The following COL5A1 variants were observed in gnomAD, a reference collection of about 807,000 sequenced individuals.
COL5A1 encodes the protein collagen alpha-1(V) chain.
COL5A1 carries 16 observed loss-of-function variants against 263.7 expected under a neutral mutation model. The ratio of observed to expected loss-of-function variants is 0.06; its 90% confidence interval spans 0.04 to 0.09. The LOEUF is 0.09. COL5A1 is among the 10% of genes least tolerant of loss of function. COL5A1 has a pLI of 1.00. For missense variants in COL5A1, 2,036 were observed against 2,540.5 expected (o/e 0.80, Z 4.27); for synonymous variants, 1,012 against 1,004.5 (o/e 1.01, Z -0.14).
At position 134,694,843 on chromosome 9, in the gene COL5A1, C is replaced by T. The variant is rs139602549; in HGVS notation, c.277+3764C>T. On this transcript the variant is annotated intron_variant, in intron 2 of 65. Transcript: ENST00000371817. ...TGTCTGCAGTGCAGACATCGCCTCA[C>T]GGTGAGGTGGCCTGAGACCCTGAAG... Among the ~76,000 whole-genome samples the T allele has an allele frequency of 3.7e-3, 561 of 152,280 alleles. 14 individuals carry two copies. The highest frequency in any genetic ancestry group is 0.034 in the Admixed American group (523 of 15,300).
Position 134,830,008 on chromosome 9 carries a change from G to A in COL5A1, c.5100G>A (p.Pro1700=), listed in dbSNP as rs371875408. 79 of 1,613,830 alleles carry A rather than the reference G, an allele frequency of 4.9e-5. No individual in the cohort carries two copies. The highest frequency in any genetic ancestry group is 3.7e-4 in the South Asian group (34 of 91,034). ...ARITSWPKEN[P]GSWFSEFKRG... ...TCACTTCTTGGCCCAAAGAAAACCC[G>A]GGCTCCTGGTTCAGTGAATTCAAGC... Residue 1700 remains proline (P), a synonymous_variant, in exon 64 of 66, where the codon CCG becomes CCA. Coordinates refer to ENST00000371817, the MANE Select transcript of COL5A1 (RefSeq NM_000093.5).
rs1203702062 is a variant in COL5A1 at position 134,841,502 on chromosome 9, G to C, written c.5371-655G>C. Among the ~76,000 whole-genome samples, 1 of 152,120 alleles carries C rather than the reference G, an allele frequency of 6.6e-6. No individual in the cohort carries two copies. Among genetic ancestry groups the C allele is most frequent in the Non-Finnish European group, 1.5e-5 (1 of 68,016 alleles). Reference sequence around the variant, plus strand: ...GGATGGGTGCTGACTCATCCTGCAGGCCAGGTTCATTGCACTACCCCTGCC... The same window carrying C: ...GGATGGGTGCTGACTCATCCTGCAGCCCAGGTTCATTGCACTACCCCTGCC... On this transcript the variant is annotated intron_variant, in intron 65 of 65. Transcript: ENST00000371817. The surrounding 1 kb of genome is among the most constrained non-coding windows in gnomAD (Gnocchi z 4.8).
At chr9:134,717,325 G>A (rs981114367) in intron 4 of COL5A1, among the ~76,000 whole-genome samples, 19 of 152,222 alleles carry the variant, frequency 1.2e-4, no homozygotes, top group African/African-American at 4.3e-4. Context: ...GAACGCAGTC[G>A]TGTTCTTAGC....
At chr9:134,808,539 G>A (rs1007942749) in intron 42 of COL5A1, among the ~76,000 whole-genome samples, 2 of 152,188 alleles carry the variant, frequency 1.3e-5, no homozygotes, top group Non-Finnish European at 2.9e-5. Context: ...ATATGTCCTT[G>A]TGTGTACATG....
At chr9:134,651,271 G>A (rs943329882) in intron 1 of COL5A1, among the ~76,000 whole-genome samples, 5 of 152,188 alleles carry the variant, frequency 3.3e-5, no homozygotes, top group East Asian at 1.9e-4. Context: ...ACAGTGTGGC[G>A]ATTCCTCCAG....
intron 63 of COL5A1, among the ~76,000 whole-genome samples, chr9:134,826,807 GGT>G (rs137926532): frequency 0.021 from 3,172 of 150,496 alleles, 64 homozygotes; most frequent in Middle Eastern, 0.035. Flanking sequence ...GGCTGGTGCA[GGT>G]GTGTGGGTGT....
chr9:134,771,638 A>C (rs1836868688), intron 25 of COL5A1, among the ~76,000 whole-genome samples: 2 of 152,358 alleles, frequency 1.3e-5, no homozygotes, highest in South Asian at 4.1e-4. Flanking sequence ...GGGTCTTCTT[A>C]ATGCTACTGT....
intron 11 of COL5A1, among the ~76,000 whole-genome samples, chr9:134,746,156 G>A (rs1241557939): frequency 1.3e-5 from 2 of 152,186 alleles, no homozygotes; most frequent in African/African-American, 2.4e-5. Flanking sequence ...GTTCTGCACA[G>A]CCAGGAGATG....
chr9:134,771,253 C>T (rs1836856936), intron 25 of COL5A1, among the ~76,000 whole-genome samples: 1 of 152,258 alleles, frequency 6.6e-6, no homozygotes, highest in Non-Finnish European at 1.5e-5. Flanking sequence ...AGAAAGGTGT[C>T]TGTGGCTGAT....
At chr9:134,727,642 A>T in intron 5 of COL5A1, among the ~76,000 whole-genome samples, 1 of 152,308 alleles carries the variant, frequency 6.6e-6, no homozygotes, top group South Asian at 2.1e-4. Context: ...AAGCTCCTTG[A>T]TGGTGAATGC....
In COL5A1 at chr9:134,805,167, C is replaced by T. The variant is rs373039645; in HGVS notation, c.3211C>T (p.Leu1071Phe). The T allele has an allele frequency of 6.8e-6, 11 of 1,614,012 alleles. No individual in the cohort carries two copies. Among genetic ancestry groups the T allele is most frequent in the Non-Finnish European group, 8.5e-6 (10 of 1,180,016 alleles). ...CCTTTTCATGGCTTTGCAGGGAGCT[C>T]TTGGACTGAAAGGCAATGAAGGGCC... ...DRGLPGPVGA[L>F]GLKGNEGPPG... The change falls in exon 41 of 66, where the codon CTT becomes TTT. Residue 1071 changes from leucine (L) to phenylalanine (F), a missense_variant. By Grantham distance (22) the Leu-to-Phe change is conservative. This residue lies in a region of COL5A1 where 1,078 missense variants were observed against 1,521.4 expected (regional missense o/e 0.71). Transcript: ENST00000371817.
Position 134,785,092 on chromosome 9 carries a change from A to T in COL5A1, c.2588A>T (p.Glu863Val), listed in dbSNP as rs139788610. Reference sequence around the variant, plus strand: ...CCCGGTCCTCTGGGACCCCCTGGGGAGAAGGTTTGTGATGTGGGACGTTCA... The same window carrying T: ...CCCGGTCCTCTGGGACCCCCTGGGGTGAAGGTTTGTGATGTGGGACGTTCA... Reference protein sequence around the residue: ...GDPGPLGPPGEKGKLGVPGLP... With the variant: ...GDPGPLGPPGVKGKLGVPGLP... Residue 863 changes from glutamate to valine, a missense_variant, in exon 30 of 66, where the codon GAG (glutamate) becomes GTG (valine). Transcript: ENST00000371817. The T allele has an allele frequency of 3.2e-4, 524 of 1,612,332 alleles. 4 individuals carry two copies. The highest frequency in any genetic ancestry group is 7.7e-4 in the Admixed American group (46 of 59,996).
At chr9:134,759,352 A>G (rs1426725340) in intron 18 of COL5A1, among the ~76,000 whole-genome samples, 1 of 135,492 alleles carries the variant, frequency 7.4e-6, no homozygotes, top group Non-Finnish European at 1.5e-5. Flanking sequence ...ACACACACCC[A>G]CATTCATACA....
At chr9:134,650,298 C>T (rs1289996793) in intron 1 of COL5A1, among the ~76,000 whole-genome samples, 1 of 152,198 alleles carries the variant, frequency 6.6e-6, no homozygotes, top group Non-Finnish European at 1.5e-5. Flanking sequence ...GCATCGTAAC[C>T]GTCTTCCATT....
chr9:134,743,730 T>G (rs2132664663), intron 11 of COL5A1, among the ~76,000 whole-genome samples: 1 of 152,226 alleles, frequency 6.6e-6, no homozygotes, highest in East Asian at 1.9e-4. Flanking sequence ...CGCTGTCTTA[T>G]CAGCCCCTCC....
At chr9:134,816,848 C>T (rs1179355915) in intron 52 of COL5A1, among the ~76,000 whole-genome samples, 178 bp from the exon 53 acceptor site, 1 of 152,218 alleles carries the variant, frequency 6.6e-6, no homozygotes, top group Non-Finnish European at 1.5e-5. Context: ...GGGTTCCTTA[C>T]GCTGTCACAG....
At chr9:134,816,241 C>T (rs1838739458) in intron 52 of COL5A1, among the ~76,000 whole-genome samples, 1 of 152,232 alleles carries the variant, frequency 6.6e-6, no homozygotes, top group Non-Finnish European at 1.5e-5. Context: ...TGCAGGCAGC[C>T]CCAGGGCTTC....
intron 4 of COL5A1, among the ~76,000 whole-genome samples, chr9:134,717,989 A>C (rs1252979681): frequency 2.0e-5 from 3 of 151,058 alleles, no homozygotes; most frequent in African/African-American, 4.9e-5. Context: ...GAGCAGCAGC[A>C]TGAGAAGCAG....
At chr9:134,764,108 G>A (rs969118892) in intron 20 of COL5A1, among the ~76,000 whole-genome samples, 1 of 143,564 alleles carries the variant, frequency 7.0e-6, no homozygotes, top group African/African-American at 2.6e-5. Flanking sequence ...GGTCAGTGTG[G>A]GGTGTCCGAG....
Sources: gnomAD v4.1 joint callset for allele counts (sites outside exome capture counted in the v4.1 genomes callset) on GRCh38, gnomAD v4.1.1 for gene constraint, gnomAD v4.1.1 regional missense constraint, Gnocchi (gnomAD v3.1) non-coding constraint, MANE v1.5 for transcripts, NCBI Gene and HGNC (gene_info 2026-07-23, HGNC 2026-07-21) for gene names.